RAD51B: variants seen among roughly 807,000 people sequenced by gnomAD.
The protein encoded by RAD51B is DNA repair protein RAD51 homolog 2.
RAD51B carries 38 observed loss-of-function variants against 42.2 expected under a neutral mutation model. The ratio of observed to expected loss-of-function variants is 0.90; its 90% CI spans 0.70 to 1.18. The LOEUF (loss-of-function observed/expected upper bound fraction) is 1.18, where lower values mean the gene tolerates loss of function less well. Among genes scored for constraint, RAD51B ranks in the 50% most tolerant of loss-of-function variants. The probability of loss-of-function intolerance (pLI) is 0.00; values close to 1 mark genes in which losing one functional copy is unlikely to be tolerated. For synonymous variants in RAD51B, 154 were observed against 145.2 expected (o/e 1.06, Z -0.43); for missense variants, 373 against 400.7 (o/e 0.93, Z 0.59).
intron 8 of RAD51B, among the ~76,000 whole-genome samples, chr14:68,382,916 G>T (rs991201176): frequency 6.6e-6 from 1 of 152,070 alleles, no homozygotes; most frequent in African/African-American, 2.4e-5. Context: ...TTTGGCCTGG[G>T]TGCAGCCCCC....
chr14:67,943,095 TG>T (rs1487901787), intron 7 of RAD51B, among the ~76,000 whole-genome samples: 1 of 151,724 alleles, frequency 6.6e-6, no homozygotes, highest in Non-Finnish European at 1.5e-5. Flanking sequence ...ATATATTAAA[TG>T]AAATATAAAG....
rs183459976 is a variant in RAD51B at position 68,252,532 on chromosome 14, C to T, written c.757-39352C>T. ...GTGCACACACATGTCTTTTGCCAAACAATGGAGAAACATACATGGTATTTT... is the reference window on the plus strand; with the variant it reads ...GTGCACACACATGTCTTTTGCCAAATAATGGAGAAACATACATGGTATTTT... On this transcript the variant is annotated intron_variant, in intron 7 of 10. Transcript: ENST00000471583. Among the ~76,000 whole-genome samples, 83 of 152,276 alleles carry T rather than the reference C, an allele frequency of 5.5e-4. No individual in the cohort carries two copies. The East Asian group carries it at 0.011, about 20-fold the overall frequency.
At chr14:68,658,851 T>C (rs1361671446) in intron 11 of RAD51B, among the ~76,000 whole-genome samples, 5 of 152,208 alleles carry the variant, frequency 3.3e-5, no homozygotes, top group African/African-American at 1.2e-4. Flanking sequence ...TTATCCCCAG[T>C]TTACAAAGGG....
chr14:68,564,968 C>T (rs2140027685), intron 10 of RAD51B, among the ~76,000 whole-genome samples: 1 of 152,352 alleles, frequency 6.6e-6, no homozygotes, highest in South Asian at 2.1e-4. Flanking sequence ...TGAACACAGC[C>T]TCTCCCCTCA....
intron 8 of RAD51B, among the ~76,000 whole-genome samples, chr14:68,292,498 C>G (rs1173227198): frequency 6.6e-6 from 1 of 152,190 alleles, no homozygotes; most frequent in Non-Finnish European, 1.5e-5. Flanking sequence ...GCTATGGTTT[C>G]GATGGCAATA....
At chr14:68,337,122 G>A (rs1039343326) in intron 8 of RAD51B, among the ~76,000 whole-genome samples, 1 of 151,942 alleles carries the variant, frequency 6.6e-6, no homozygotes, top group African/African-American at 2.4e-5. Flanking sequence ...ATCAACTTTT[G>A]GACTCAATTT....
At chr14:68,482,131 CTTTTACT>C (rs1883229964), downstream of RAD51B, among the ~76,000 whole-genome samples, 1 of 80,360 alleles carries the variant, frequency 1.2e-5, no homozygotes, top group Non-Finnish European at 3.2e-5. Flanking sequence ...AAAGTAATTA[CTTTTACT>C]GAAAGTAATT....
chr14:68,457,959 A>G (rs2085745944), intron 9 of RAD51B, among the ~76,000 whole-genome samples: 1 of 151,710 alleles, frequency 6.6e-6, no homozygotes. Flanking sequence ...TTCACTGAAA[A>G]AAAAAAAAAA....
Position 68,650,705 on chromosome 14 carries a change from A to T in RAD51B, c.1037-76A>T, listed in dbSNP as rs920712571. On this transcript the variant is annotated intron_variant, in intron 10 of 11. Transcript: ENST00000488612. The stretch of plus-strand genomic sequence containing the variant: ...AGGGCTGGATGGCCTATCACCCTTT[A>T]AGAAAGCCTGGATGAATCCTCTCAA... The T allele has an allele frequency of 2.2e-5, 15 of 691,894 alleles. No homozygotes were observed. In the Admixed American group the frequency reaches 3.1e-4, roughly 15 times the overall value. The allele number at this position is 691,894 out of a possible 1,614,324, so 42.9% of individuals were successfully genotyped here. A position where few individuals can be genotyped will look rare whatever the true frequency, so the allele number is the denominator to read the frequency against.
At chr14:68,169,495 A>T (rs987444540) in intron 7 of RAD51B, among the ~76,000 whole-genome samples, 4 of 151,762 alleles carry the variant, frequency 2.6e-5, no homozygotes, top group African/African-American at 9.7e-5. Flanking sequence ...AATGTTTTAT[A>T]TCGTAAGTTG....
intron 8 of RAD51B, among the ~76,000 whole-genome samples, chr14:68,343,074 T>C (rs2082603775): frequency 6.6e-6 from 1 of 151,064 alleles, no homozygotes; most frequent in Non-Finnish European, 1.5e-5. Flanking sequence ...TTAATAAATA[T>C]AATATGGGAT....
chr14:68,044,152 T>G (rs946284799), intron 7 of RAD51B, among the ~76,000 whole-genome samples: 2 of 152,190 alleles, frequency 1.3e-5, no homozygotes, highest in African/African-American at 4.8e-5. Context: ...ACTGTCTTCT[T>G]GAGAAAACAG....
At chr14:67,835,046 G>A (rs1322024853) in intron 3 of RAD51B, 34 bp from the exon 4 acceptor site, 4 of 1,466,388 alleles carry the variant, frequency 2.7e-6, no homozygotes, top group Admixed American at 3.5e-5. Context: ...TATATATAGA[G>A]GTTGAAAAAA....
At chr14:68,219,784 C>T (rs1309914516) in intron 7 of RAD51B, among the ~76,000 whole-genome samples, 3 of 152,122 alleles carry the variant, frequency 2.0e-5, no homozygotes, top group African/African-American at 4.8e-5. Flanking sequence ...GGTTCTTTAA[C>T]ACCCCCAAAA....
At chr14:68,573,418 C>T (rs1211030040) in intron 10 of RAD51B, among the ~76,000 whole-genome samples, 1 of 152,214 alleles carries the variant, frequency 6.6e-6, no homozygotes, top group Non-Finnish European at 1.5e-5. Context: ...CTCCCTGCCT[C>T]CTCACTGCCC....
At chr14:68,149,798 G>C (rs1406812983) in intron 7 of RAD51B, 3 of 152,124 alleles carry the variant, frequency 2.0e-5, no homozygotes, top group African/African-American at 7.2e-5. Context: ...AACTAAATGT[G>C]GACATCCAAT....
intron 11 of RAD51B, among the ~76,000 whole-genome samples, chr14:68,665,599 TGTATG>T (rs1214622744): frequency 6.6e-6 from 1 of 152,212 alleles, no homozygotes; most frequent in African/African-American, 2.4e-5. Context: ...CTAATAGGAC[TGTATG>T]GCCCTGGCAG....
chr14:68,523,894 G>A (rs535515219), intron 10 of RAD51B, among the ~76,000 whole-genome samples: 2 of 152,310 alleles, frequency 1.3e-5, no homozygotes, highest in East Asian at 3.9e-4. Flanking sequence ...AAACAAAGAA[G>A]CATATTGCTT....
At chr14:68,666,113 A>G (rs764405222) in intron 11 of RAD51B, among the ~76,000 whole-genome samples, 5 of 152,254 alleles carry the variant, frequency 3.3e-5, no homozygotes, top group African/African-American at 9.6e-5. Context: ...CTCTGAAGCC[A>G]GCATAGCAGA....
Sources: gnomAD v4.1 joint callset for allele counts (sites outside exome capture counted in the v4.1 genomes callset) on GRCh38, gnomAD v4.1.1 for gene constraint, MANE v1.5 for transcripts, NCBI Gene and HGNC (gene_info 2026-07-23, HGNC 2026-07-21) for gene names.